TTC39B: variants seen among roughly 807,000 people sequenced by gnomAD.
TTC39B encodes the protein tetratricopeptide repeat protein 39B.
Under a neutral mutation model 96.6 loss-of-function variants are expected in TTC39B, and 92 were observed. The observed-to-expected ratio is 0.95, with a 90% confidence interval of 0.80 to 1.13. The LOEUF (loss-of-function observed/expected upper bound fraction) is 1.13. TTC39B is among the 50% of genes most tolerant of loss of function. The pLI is 0.00. For missense variants in TTC39B, 955 were observed against 809.3 expected (o/e 1.18, Z -2.18); for synonymous variants, 367 against 299.4 (o/e 1.23, Z -2.33).
chr9:15,190,134 A>G (rs1475706844), intron 11 of TTC39B, among the ~76,000 whole-genome samples: 2 of 152,182 alleles, frequency 1.3e-5, no homozygotes, highest in Non-Finnish European at 2.9e-5. Flanking sequence ...TCACCTTAAT[A>G]TAGAAATTTT....
intron 2 of TTC39B, among the ~76,000 whole-genome samples, chr9:15,264,408 T>A (rs1299835163): frequency 6.6e-6 from 1 of 152,156 alleles, no homozygotes; most frequent in East Asian, 1.9e-4. Flanking sequence ...TCCCAGCACT[T>A]TGGGGGAGGC....
At position 15,181,816 on chromosome 9, in the gene TTC39B, T is replaced by C. The variant is rs188220956; in HGVS notation, c.1723+491A>G. Reference sequence around the variant, plus strand: ...CTTCCTCTCTTCATCTTTTTTGTCATAGTTTTAAGATACAGTTCACATGCC... The same window carrying C: ...CTTCCTCTCTTCATCTTTTTTGTCACAGTTTTAAGATACAGTTCACATGCC... On this transcript the variant is annotated intron_variant, in intron 17 of 19. Transcript: ENST00000512701. Among the ~76,000 whole-genome samples, 3 of 152,284 alleles carry C rather than the reference T, an allele frequency of 2.0e-5. No homozygotes were observed. The East Asian group carries it at 5.8e-4, about 29-fold the overall frequency.
exon 20 of TTC39B, chr9:15,169,833 T>C (rs1251401438): frequency 5.3e-5 from 8 of 152,094 alleles, no homozygotes; most frequent in Middle Eastern, 3.2e-3. Flanking sequence ...TAATGCAGAG[T>C]TAAAATAAAA....
intron 1 of TTC39B, among the ~76,000 whole-genome samples, chr9:15,293,525 T>G (rs1302899835): frequency 6.6e-6 from 1 of 152,146 alleles, no homozygotes; most frequent in Non-Finnish European, 1.5e-5. Context: ...TGGCTGATGT[T>G]AAAAGTCCAT....
rs147888471 is a variant in TTC39B, at chr9:15,227,447, T to C, written c.276-1435A>G. ...TCATTTTTATCTTGGATATATCAAG[T>C]TCCCTAAATTTTTCACATCACATAG... On this transcript the variant is annotated intron_variant, in intron 2 of 19. Coordinates refer to ENST00000512701, the Ensembl canonical transcript of TTC39B. 2.9e-3 allele frequency among the ~76,000 whole-genome samples: 436 copies of C among 152,308 alleles called. 3 individuals are homozygous for C. The highest frequency in any genetic ancestry group is 0.01 in the African/African-American group (418 of 41,572).
intron 1 of TTC39B, among the ~76,000 whole-genome samples, chr9:15,297,708 C>T (rs940859592): frequency 2.0e-4 from 30 of 152,100 alleles, no homozygotes; most frequent in African/African-American, 6.8e-4. Context: ...CACCAGCCTC[C>T]GTCACTCTGG....
intron 8 of TTC39B, among the ~76,000 whole-genome samples, chr9:15,194,541 A>G (rs1819042392): frequency 6.6e-6 from 1 of 152,202 alleles, no homozygotes; most frequent in Non-Finnish European, 1.5e-5. Context: ...ATGTAAAGGC[A>G]TACCTTGTTT....
In TTC39B at chr9:15,225,802, C is replaced by CCA. The variant is rs1821088234; in HGVS notation, c.371+114_371+115insTG. On this transcript the variant is annotated intron_variant, in intron 3 of 19. Transcript: ENST00000512701. The stretch of plus-strand genomic sequence containing the variant: ...GGCACTCTACTTGCCTAGGCCTCTC[C>CCA]TGACCTCATTGGTTTGTCAAACGCA... 6.7e-6 allele frequency: 6 copies of CCA among 895,430 alleles called. No homozygotes were observed. The South Asian group carries it at 1.2e-4, about 18-fold the overall frequency. 55.5% of individuals were successfully genotyped at this position (895,430 alleles called of 1,614,324 possible). A position where few individuals can be genotyped will look rare whatever the true frequency, so the allele number is the denominator to read the frequency against.
intron 6 of TTC39B, among the ~76,000 whole-genome samples, chr9:15,206,986 C>T (rs529292580): frequency 6.6e-6 from 1 of 152,292 alleles, no homozygotes; most frequent in African/African-American, 2.4e-5. Flanking sequence ...AGTGAGTTCT[C>T]ACGAGATCTG....
At chr9:15,225,069 C>G (rs1251775131) in intron 3 of TTC39B, among the ~76,000 whole-genome samples, 2 of 152,002 alleles carry the variant, frequency 1.3e-5, no homozygotes, top group African/African-American at 4.8e-5. Context: ...ACAGAGCTGC[C>G]TTAATAACTC....
chr9:15,181,840 C>A (rs947116919), intron 17 of TTC39B, among the ~76,000 whole-genome samples: 2 of 152,138 alleles, frequency 1.3e-5, no homozygotes, highest in African/African-American at 4.8e-5. Context: ...AGTTCACATG[C>A]CATACAATTC....
chr9:15,274,591 G>C (rs966429598), intron 1 of TTC39B, among the ~76,000 whole-genome samples: 1 of 152,076 alleles, frequency 6.6e-6, no homozygotes, highest in Non-Finnish European at 1.5e-5. Flanking sequence ...TAATCAAAGG[G>C]AAAGAAAGCA....
chr9:15,179,447 G>A (rs1242923594), intron 17 of TTC39B, among the ~76,000 whole-genome samples: 1 of 152,136 alleles, frequency 6.6e-6, no homozygotes, highest in Non-Finnish European at 1.5e-5. Context: ...TTACTTCTTA[G>A]GTGCTGAAAA....
chr9:15,257,456 A>G (rs1017097685), intron 2 of TTC39B, among the ~76,000 whole-genome samples: 1 of 150,060 alleles, frequency 6.7e-6, no homozygotes, highest in Non-Finnish European at 1.5e-5. Context: ...CATATTAAAA[A>G]TTTTTTTTTT....
chr9:15,239,709 G>A (rs1437578301), intron 2 of TTC39B, among the ~76,000 whole-genome samples: 1 of 152,136 alleles, frequency 6.6e-6, no homozygotes, highest in Non-Finnish European at 1.5e-5. Context: ...TAAACAATAG[G>A]TACAAATGCA....
In TTC39B at chr9:15,220,304, T is replaced by A. The variant is rs116676038; in HGVS notation, c.371+5613A>T. Among the ~76,000 whole-genome samples the A allele has an allele frequency of 4.0e-3, 605 of 152,304 alleles. 4 individuals carry two copies. Among genetic ancestry groups the A allele is most frequent in the African/African-American group, 0.013 (552 of 41,556 alleles). ...GAGTCCAGAATCTCAGAAGCAACTGTGGCTGGACAGCCAGACTACAGAAAC... is the reference window on the plus strand; with the variant it reads ...GAGTCCAGAATCTCAGAAGCAACTGAGGCTGGACAGCCAGACTACAGAAAC... On this transcript the variant is annotated intron_variant, in intron 3 of 19. Transcript: ENST00000512701.
intron 2 of TTC39B, among the ~76,000 whole-genome samples, chr9:15,259,965 G>A (rs1218348156): frequency 6.6e-6 from 1 of 152,112 alleles, no homozygotes; most frequent in Admixed American, 6.6e-5. Flanking sequence ...CTATAAAAAG[G>A]CACAGATTTC....
intron 2 of TTC39B, among the ~76,000 whole-genome samples, chr9:15,247,173 G>A (rs1279960612): frequency 1.3e-5 from 2 of 152,198 alleles, no homozygotes; most frequent in African/African-American, 2.4e-5. Flanking sequence ...CTGAGGATGT[G>A]TAGCTTGGAT....
intron 4 of TTC39B, among the ~76,000 whole-genome samples, chr9:15,212,283 C>G (rs1820248646): frequency 6.6e-6 from 1 of 151,170 alleles, no homozygotes; most frequent in African/African-American, 2.4e-5. Context: ...AGGGCACTAT[C>G]TGTTCAAAAG....
Sources: allele counts gnomAD v4.1 joint callset (sites outside exome capture counted in the v4.1 genomes callset), GRCh38; gene constraint gnomAD v4.1.1; transcripts MANE v1.5; gene names NCBI Gene and HGNC (gene_info 2026-07-23, HGNC 2026-07-21).